Variants in CRLS1 observed in about 807,000 individuals in gnomAD.
CRLS1 encodes the protein cardiolipin synthase (CMP-forming).
Under a neutral mutation model 37.0 loss-of-function variants are expected in CRLS1, and 24 were observed. The observed-to-expected ratio is 0.65, with a 90% CI of 0.47 to 0.91. The LOEUF (loss-of-function observed/expected upper bound fraction) is 0.91, where lower values mean the gene tolerates loss of function less well. Among genes scored for constraint, CRLS1 ranks in the 40% least tolerant of loss-of-function variants. The pLI is 0.00. For missense variants in CRLS1, 373 were observed against 395.8 expected (o/e 0.94, Z 0.49); for synonymous variants, 135 against 159.7 (o/e 0.85, Z 1.17).
At chr20:6,006,584 C>T (rs2090058757) in intron 1 of CRLS1, 32 bp downstream of exon 1, 4 of 1,253,858 alleles carry the variant, frequency 3.2e-6, no homozygotes, top group Non-Finnish European at 4.0e-6. Context: ...GCGGGCCGGC[C>T]CTGGGCTGGG....
intron 3 of CRLS1, among the ~76,000 whole-genome samples, chr20:6,027,144 C>T (rs936617499): frequency 2.7e-5 from 4 of 148,022 alleles, no homozygotes; most frequent in East Asian, 2.0e-4. Context: ...TGTGCAATGG[C>T]GCTATCTCGG....
At chr20:6,010,612 A>G (rs2090120186) in intron 2 of CRLS1, among the ~76,000 whole-genome samples, 1 of 152,238 alleles carries the variant, frequency 6.6e-6, no homozygotes, top group Admixed American at 6.5e-5. Flanking sequence ...ATTTATTCAG[A>G]TGATCTCAAA....
intron 3 of CRLS1, among the ~76,000 whole-genome samples, chr20:6,030,301 A>G (rs1005604067): frequency 1.3e-5 from 2 of 152,096 alleles, no homozygotes; most frequent in African/African-American, 4.8e-5. Context: ...ATATCCTTCT[A>G]TTGGCTATGG....
intron 2 of CRLS1, among the ~76,000 whole-genome samples, chr20:6,011,489 C>T (rs2090131758): frequency 6.8e-6 from 1 of 147,574 alleles, no homozygotes. Flanking sequence ...CTTTACCTCT[C>T]TTTTTCCAGA....
intron 1 of CRLS1, among the ~76,000 whole-genome samples, chr20:6,009,250 G>A (rs2122907704): frequency 6.6e-6 from 1 of 152,034 alleles, no homozygotes; most frequent in Non-Finnish European, 1.5e-5. Context: ...TTGAACCCGG[G>A]AGGTGGAGGT....
At chr20:6,012,310 G>A (rs1268895181) in intron 2 of CRLS1, among the ~76,000 whole-genome samples, 1 of 152,172 alleles carries the variant, frequency 6.6e-6, no homozygotes, top group Non-Finnish European at 1.5e-5. Context: ...TGAGTAAGTG[G>A]TTAGGGGGCT....
At chr20:6,026,087 A>C (rs1355705034) in intron 3 of CRLS1, 2 of 152,262 alleles carry the variant, frequency 1.3e-5, no homozygotes, top group Non-Finnish European at 2.9e-5. Context: ...AATGCTATCA[A>C]ATAGCATTGC....
chr20:6,015,296 T>A (rs1244476887), intron 2 of CRLS1, 65 bp from the exon 3 acceptor site: 4 of 1,078,220 alleles, frequency 3.7e-6, no homozygotes, highest in African/African-American at 1.6e-5. Flanking sequence ...TATCTTAAGC[T>A]TCAGAATATC....
In CRLS1 at chr20:6,032,210, C is replaced by T. The variant is rs536266459; in HGVS notation, c.729+130C>T. On this transcript the variant is annotated intron_variant, in intron 5 of 6. Coordinates refer to ENST00000378863, the MANE Select transcript of CRLS1 (RefSeq NM_019095.6). Reference sequence around the variant, plus strand: ...ATTGAGTATAGAGGCTAGAGAGTAGCGTTGGGCAGGCAGTTTTAACCTAGT... The same window carrying T: ...ATTGAGTATAGAGGCTAGAGAGTAGTGTTGGGCAGGCAGTTTTAACCTAGT... The T allele has an allele frequency of 2.7e-4, 184 of 671,732 alleles. 2 individuals carry two copies. The South Asian group carries it at 2.8e-3, about 10-fold the overall frequency. The allele number at this position is 671,732 out of a possible 1,614,324, so 41.6% of individuals were successfully genotyped here.
chr20:6,032,147 TAGTC>T, intron 5 of CRLS1, 67 bp downstream of exon 5: 1 of 1,260,924 alleles, frequency 7.9e-7, no homozygotes, highest in South Asian at 1.2e-5. Context: ...ATATAAACCT[TAGTC>T]AAGAACAGCT....
At chr20:6,035,888 T>C (rs1162024034) in intron 6 of CRLS1, among the ~76,000 whole-genome samples, 3 of 151,864 alleles carry the variant, frequency 2.0e-5, no homozygotes, top group Non-Finnish European at 4.4e-5. Context: ...CACTGCAACC[T>C]CTACCACCCG....
intron 3 of CRLS1, among the ~76,000 whole-genome samples, chr20:6,027,448 C>T (rs1237515295): frequency 5.3e-5 from 8 of 151,964 alleles, no homozygotes; most frequent in African/African-American, 1.9e-4. Context: ...CACACTGTCA[C>T]CCAGGCTGGA....
At chr20:6,017,438 G>A (rs1035656615) in intron 3 of CRLS1, among the ~76,000 whole-genome samples, 6 of 152,042 alleles carry the variant, frequency 3.9e-5, no homozygotes, top group Non-Finnish European at 7.4e-5. Flanking sequence ...TGCTTATATG[G>A]CTACCCAGTT....
chr20:6,016,454 G>GTGT (rs1555793595), intron 3 of CRLS1, among the ~76,000 whole-genome samples: 31 of 114,518 alleles, frequency 2.7e-4, no homozygotes, highest in African/African-American at 4.7e-4. Context: ...GGGGAATGGG[G>GTGT]GTGTGTGTGT....
At chr20:6,017,992 C>T (rs750305140) in intron 3 of CRLS1, among the ~76,000 whole-genome samples, 1 of 151,836 alleles carries the variant, frequency 6.6e-6, no homozygotes, top group Non-Finnish European at 1.5e-5. Context: ...CTGAGGTGGG[C>T]GGATCACTTG....
chr20:6,009,645 G>A (rs750046231), intron 1 of CRLS1, 130 bp from the exon 2 acceptor site: 120 of 653,560 alleles, frequency 1.8e-4, no homozygotes, highest in Non-Finnish European at 2.8e-4. Context: ...TCAATTTAAT[G>A]TACTAAATTT....
intron 3 of CRLS1, among the ~76,000 whole-genome samples, chr20:6,025,464 G>A (rs759265363): frequency 6.6e-6 from 1 of 152,086 alleles, no homozygotes; most frequent in Non-Finnish European, 1.5e-5. Flanking sequence ...CAACACACCT[G>A]GTCACCCAAG....
intron 2 of CRLS1, among the ~76,000 whole-genome samples, chr20:6,012,241 G>A (rs6085347): frequency 0.11 from 16,900 of 152,156 alleles, 1,051 homozygotes; most frequent in Middle Eastern, 0.22. Flanking sequence ...GCCAGGGAAC[G>A]ACAAAGTCTG....
At chr20:6,022,942 C>G (rs1979391496) in intron 3 of CRLS1, among the ~76,000 whole-genome samples, 1 of 152,038 alleles carries the variant, frequency 6.6e-6, no homozygotes, top group African/African-American at 2.4e-5. Context: ...TCTGTGTTAG[C>G]TCATTTTATC....
Sources: gnomAD v4.1 joint callset for allele counts (sites outside exome capture counted in the v4.1 genomes callset) on GRCh38, gnomAD v4.1.1 for gene constraint, MANE v1.5 for transcripts, NCBI Gene and HGNC (gene_info 2026-07-23, HGNC 2026-07-21) for gene names.